DENND2B: variants seen among roughly 807,000 people sequenced by gnomAD.
The protein encoded by DENND2B is DENN domain containing 2B.
Under a neutral mutation model 116.0 loss-of-function variants are expected in DENND2B, and 32 were observed. That is an observed-to-expected ratio of 0.28 (90% CI 0.21 to 0.37). The LOEUF (loss-of-function observed/expected upper bound fraction) is 0.37, where lower values mean the gene tolerates loss of function less well. DENND2B is among the 10% of genes least tolerant of loss of function. The pLI, the probability that DENND2B is intolerant of heterozygous loss-of-function variation, is 1.00. For missense variants in DENND2B, 1,276 were observed against 1,477.7 expected, an observed-to-expected ratio of 0.86 and a Z score of 2.24; for synonymous variants, 588 against 583.9, an observed-to-expected ratio of 1.01 and a Z score of -0.10.
chr11:8,790,966 A>C (rs1268320424), intron 1 of DENND2B, among the ~76,000 whole-genome samples: 4 of 152,228 alleles, frequency 2.6e-5, no homozygotes, highest in African/African-American at 9.6e-5. Flanking sequence ...GGACCTGACT[A>C]GCTTAGTGTC....
At chr11:8,695,126 T>C (rs770691487) in intron 19 of DENND2B, among the ~76,000 whole-genome samples, 3 of 152,080 alleles carry the variant, frequency 2.0e-5, no homozygotes, top group Non-Finnish European at 2.9e-5. Context: ...GTATTATAAG[T>C]AATCTAAAGA....
At chr11:8,744,707 A>G (rs944861860) in intron 2 of DENND2B, among the ~76,000 whole-genome samples, 3 of 152,158 alleles carry the variant, frequency 2.0e-5, no homozygotes, top group Non-Finnish European at 4.4e-5. Flanking sequence ...TATAAGAAAT[A>G]CATCAAACCA....
At position 8,726,198 on chromosome 11, in the gene DENND2B, T is replaced by G; in HGVS notation, c.1352A>C (p.Glu451Ala). ...CTGGAGACTGGATGCATCCTCAAAC[T>G]CAAAGGATTTTCTGTGGATAACAAG... ...HRKSQSRKSF[E>A]FEDASSLQSL... is the part of the protein sequence containing the mutation. The change falls in exon 4 of 20, where the codon GAG becomes GCG. Residue 451 changes from glutamate to alanine, a missense_variant. Transcript: ENST00000313726. The G allele has an allele frequency of 6.2e-7, 1 of 1,609,356 alleles. No homozygotes were observed.
chr11:8,906,009 G>C (rs932247944), intron 1 of DENND2B, among the ~76,000 whole-genome samples: 4 of 151,114 alleles, frequency 2.6e-5, no homozygotes, highest in African/African-American at 9.7e-5. Context: ...GGTCACCTAG[G>C]ACCAGAGGCA....
At chr11:8,855,799 G>C (rs2063173414) in intron 3 of DENND2B, among the ~76,000 whole-genome samples, 1 of 152,074 alleles carries the variant, frequency 6.6e-6, no homozygotes, top group South Asian at 2.1e-4. Flanking sequence ...ACAGGGATTA[G>C]GGAGAAGGTG....
chr11:8,855,382 C>T (rs1432397083), intron 3 of DENND2B, among the ~76,000 whole-genome samples: 2 of 151,098 alleles, frequency 1.3e-5, no homozygotes, highest in Non-Finnish European at 3.0e-5. Context: ...TTATTCTGAG[C>T]AGCAGCCTCT....
rs79647539 is a variant in DENND2B, at chr11:8,699,535, G to C, written c.2721-145C>G. Reference sequence around the variant, plus strand: ...TTCAGGGACCCTGCAGACTGGTAAAGTCCCCGCTTTCCCACTGCGTAGCGC... The same window carrying C: ...TTCAGGGACCCTGCAGACTGGTAAACTCCCCGCTTTCCCACTGCGTAGCGC... On this transcript the variant is annotated intron_variant, in intron 14 of 19. Coordinates refer to ENST00000313726, the MANE Select transcript of DENND2B (RefSeq NM_213618.2). 2.3e-3 allele frequency: 1,746 copies of C among 773,522 alleles called. 21 individuals carry two copies. In the African/African-American group the frequency reaches 0.028, roughly 13 times the overall value. The allele number at this position is 773,522 out of a possible 1,614,324, so 47.9% of individuals were successfully genotyped here.
At position 8,726,102 on chromosome 11, in the gene DENND2B, A is replaced by G. The variant is rs1276536429; in HGVS notation, c.1448T>C (p.Leu483Ser). The G allele has an allele frequency of 1.2e-6, 2 of 1,613,968 alleles. No homozygotes were observed. The highest frequency in any genetic ancestry group is 2.2e-5 in the East Asian group (1 of 44,890). The change falls in exon 4 of 20, where the codon TTA becomes TCA. Residue 483 changes from leucine to serine, a missense_variant. This residue lies in a region of DENND2B where 856 missense variants were observed against 846.6 expected (regional missense o/e 1.01). Transcript: ENST00000313726. Reference protein sequence around the residue: ...NQPKFGSKSTLEENAYEDIVG... With the variant: ...NQPKFGSKSTSEENAYEDIVG... ...AATATCTTCATAGGCATTTTCTTCT[A>G]AAGTGCTTTTGGATCCAAACTTGGG...
intron 4 of DENND2B, among the ~76,000 whole-genome samples, chr11:8,835,869 G>A (rs1382709078): frequency 6.6e-6 from 1 of 152,158 alleles, no homozygotes; most frequent in Non-Finnish European, 1.5e-5. Context: ...CGTCTACAGA[G>A]CCTACGGGGA....
chr11:8,714,573 C>T (rs778178464), intron 7 of DENND2B, 37 bp downstream of exon 7: 1 of 1,579,276 alleles, frequency 6.3e-7, no homozygotes. Flanking sequence ...GCCCAAGGGC[C>T]CCAAACAGCT....
At position 8,730,086 on chromosome 11, in the gene DENND2B, G is replaced by A. The variant is rs183164140; in HGVS notation, c.1204C>T (p.Pro402Ser). ...RTFEYEADKN[P>S]KSKPSNGLPP... ...AGACCATTACTGGGCTTACTCTTGGGGTTCTTGTCAGCCTCGTATTCAAAG... is the reference window on the plus strand; with the variant it reads ...AGACCATTACTGGGCTTACTCTTGGAGTTCTTGTCAGCCTCGTATTCAAAG... The change falls in exon 3 of 20, where the codon CCC becomes TCC. Residue 402 changes from proline (P) to serine (S), a missense_variant. Coordinates refer to ENST00000313726, the MANE Select transcript of DENND2B (RefSeq NM_213618.2). This position sits in a 1 kb window ranked among gnomAD's most constrained non-coding sequence, Gnocchi z 4.1. The A allele has an allele frequency of 7.4e-6, 12 of 1,614,196 alleles. No individual in the cohort carries two copies. Among genetic ancestry groups the A allele is most frequent in the African/African-American group, 1.3e-5 (1 of 75,050 alleles).
intron 1 of DENND2B, among the ~76,000 whole-genome samples, chr11:8,752,933 T>C (rs2052803632): frequency 1.3e-5 from 2 of 152,144 alleles, no homozygotes; most frequent in Admixed American, 1.3e-4. Flanking sequence ...GGATACAAAA[T>C]CAATATTAAA....
chr11:8,792,840 G>A (rs2059504564), intron 1 of DENND2B, among the ~76,000 whole-genome samples: 1 of 152,188 alleles, frequency 6.6e-6, no homozygotes, highest in African/African-American at 2.4e-5. Context: ...GTACACTGAT[G>A]CAACCTCTTT....
intron 5 of DENND2B, among the ~76,000 whole-genome samples, chr11:8,716,498 C>A (rs1230381292): frequency 6.6e-6 from 1 of 152,190 alleles, no homozygotes; most frequent in Non-Finnish European, 1.5e-5. Flanking sequence ...CACAGACACC[C>A]AACCACTGTC....
intron 2 of DENND2B, among the ~76,000 whole-genome samples, chr11:8,861,854 A>G (rs1396878132): frequency 6.6e-6 from 1 of 152,210 alleles, no homozygotes; most frequent in African/African-American, 2.4e-5. Context: ...GCCATAAAAA[A>G]AGAATGAAAT....
intron 1 of DENND2B, among the ~76,000 whole-genome samples, chr11:8,767,312 T>G (rs2134155658): frequency 6.6e-6 from 1 of 151,862 alleles, no homozygotes. Flanking sequence ...GCGGGGAGGG[T>G]GATCATTGGC....
Position 8,730,025 on chromosome 11 carries a change from A to C in DENND2B, c.1265T>G (p.Leu422Trp). ...GACTGGCGGGGCTGGGGTGGAGGGC[A>C]AGGGAGGTGGAGCAGCAGGTGTGGG... ...PSPTPAAPPP[L>W]PSTPAPPVTR... Residue 422 changes from leucine to tryptophan, a missense_variant, in exon 3 of 20, where the codon TTG becomes TGG. Leu to Trp is a moderately conservative substitution (Grantham distance 61, BLOSUM62 -2). Coordinates refer to ENST00000313726, the MANE Select transcript of DENND2B (RefSeq NM_213618.2). The surrounding 1 kb of genome is among the most constrained non-coding windows in gnomAD (Gnocchi z 4.1). 6.2e-7 allele frequency: 1 copy of C among 1,614,120 alleles called. No homozygotes were observed. The highest frequency in any genetic ancestry group is 8.5e-7 in the Non-Finnish European group (1 of 1,179,994).
At chr11:8,798,988 C>A (rs34903050) in intron 1 of DENND2B, among the ~76,000 whole-genome samples, 1 of 152,010 alleles carries the variant, frequency 6.6e-6, no homozygotes, top group Non-Finnish European at 1.5e-5. Context: ...CCACCACACC[C>A]GGCTAATTTT....
At chr11:8,804,053 T>C (rs2060598457) in intron 1 of DENND2B, among the ~76,000 whole-genome samples, 3 of 152,172 alleles carry the variant, frequency 2.0e-5, no homozygotes, top group Non-Finnish European at 4.4e-5. Context: ...TCCCCGTCTG[T>C]GAGGAGTGAG....
Sources: allele counts gnomAD v4.1 joint callset (sites outside exome capture counted in the v4.1 genomes callset), GRCh38; gene constraint gnomAD v4.1.1; regional missense constraint gnomAD v4.1.1; non-coding constraint Gnocchi (gnomAD v3.1); transcripts MANE v1.5; gene names NCBI Gene and HGNC (gene_info 2026-07-23, HGNC 2026-07-21).